The following MARCHF5 variants were observed in gnomAD, a reference collection of about 807,000 sequenced individuals.
MARCHF5 encodes the protein E3 ubiquitin-protein ligase MARCHF5.
Under a neutral mutation model 36.5 loss-of-function variants are expected in MARCHF5, and 5 were observed. The observed-to-expected ratio is 0.14, with a 90% confidence interval of 0.07 to 0.29. The LOEUF (loss-of-function observed/expected upper bound fraction) is 0.29. MARCHF5 is among the 10% of genes least tolerant of loss of function. The probability of loss-of-function intolerance (pLI) is 1.00; values close to 1 mark genes in which losing one functional copy is unlikely to be tolerated. For synonymous variants in MARCHF5, 103 were observed against 109.9 expected (o/e 0.94, Z 0.39); for missense variants, 179 against 336.3 (o/e 0.53, Z 3.66).
intron 1 of MARCHF5, among the ~76,000 whole-genome samples, chr10:92,306,625 G>A (rs889260277): frequency 2.6e-5 from 4 of 152,128 alleles, no homozygotes; most frequent in African/African-American, 7.2e-5. Flanking sequence ...GGAATAAATC[G>A]TTGAAGTAGA....
chr10:92,311,270 A>C lies in MARCHF5; in HGVS notation c.171A>C (p.Gly57=), dbSNP rs759777509. 15 of 1,613,224 alleles carry C rather than the reference A, an allele frequency of 9.3e-6. No homozygotes were observed. The highest frequency in any genetic ancestry group is 1.3e-5 in the Non-Finnish European group (15 of 1,179,552). Residue 57 remains glycine (G), a synonymous_variant, in exon 2 of 6, where the codon GGA becomes GGC. Coordinates refer to ENST00000358935, the MANE Select transcript of MARCHF5 (RefSeq NM_017824.5). ...LQRWVDEKQR[G]NSTARVACPQ... is the part of the protein sequence containing the mutation. ...GCTGGGTGGATGAAAAGCAAAGAGG[A>C]AACAGTACAGCCAGAGTGGCATGTC...
In MARCHF5 at chr10:92,294,093, A is replaced by G. The variant is rs1015645357; in HGVS notation, c.35+2564A>G. On this transcript the variant is annotated intron_variant, in intron 1 of 5. Transcript: ENST00000358935. The stretch of plus-strand genomic sequence containing the variant: ...TCTGTAGGGTAGAGCCTGGGCATCT[A>G]TATTTTAAAGCTTTTTAAATGTTTT... 7.2e-5 allele frequency among the ~76,000 whole-genome samples: 11 copies of G among 152,178 alleles called. No individual in the cohort carries two copies. The East Asian group carries it at 1.5e-3, about 21-fold the overall frequency.
chr10:92,349,804 T>C lies in MARCHF5; in HGVS notation c.687T>C (p.Ser229=), dbSNP rs752398679. The C allele has an allele frequency of 8.1e-6, 13 of 1,613,692 alleles. No homozygotes were observed. The highest frequency in any genetic ancestry group is 1.3e-5 in the African/African-American group (1 of 75,050). ...CAATAGTTGGTAAATTGATGTTCAG[T>C]AGTGTTAACTCTAATTTACAAAGGA... is the stretch of plus-strand genomic sequence containing the variant. ...IATIVGKLMF[S]SVNSNLQRTI... is the part of the protein sequence containing the mutation. Residue 229 remains serine (S), a synonymous_variant, in exon 5 of 6, where the codon AGT becomes AGC. Transcript: ENST00000358935.
chr10:92,308,919 A>G (rs1240441159), intron 1 of MARCHF5, among the ~76,000 whole-genome samples: 3 of 152,128 alleles, frequency 2.0e-5, no homozygotes, highest in East Asian at 1.9e-4. Context: ...GTTAGCCAGG[A>G]TGGTCTCAAT....
chr10:92,331,876 TAATCATATATATGTATATATA>T (rs1195047659), intron 2 of MARCHF5, among the ~76,000 whole-genome samples: 24 of 37,674 alleles, frequency 6.4e-4, no homozygotes, highest in Non-Finnish European at 1.6e-3. Context: ...TTTTTATATA[TAATCATATATATGTATATATA>T]ATCATATATA....
chr10:92,318,710 T>C (rs1375866156), intron 2 of MARCHF5, among the ~76,000 whole-genome samples: 1 of 152,078 alleles, frequency 6.6e-6, no homozygotes, highest in Non-Finnish European at 1.5e-5. Context: ...CTTTTCTTTT[T>C]TTTCTAAGAT....
chr10:92,309,239 G>A (rs559276003), intron 1 of MARCHF5, among the ~76,000 whole-genome samples: 41 of 152,248 alleles, frequency 2.7e-4, no homozygotes, highest in African/African-American at 9.6e-4. Context: ...ATAATAAAAT[G>A]TTTGGGAAAA....
rs1843709886 is a variant in MARCHF5 at position 92,351,138 on chromosome 10, C to T, written c.768C>T (p.Phe256=). 1 of 1,613,408 alleles carries T rather than the reference C, an allele frequency of 6.2e-7. No homozygotes were observed. Among genetic ancestry groups the T allele is most frequent in the Admixed American group, 1.7e-5 (1 of 59,930 alleles). The change falls in exon 6 of 6, where the codon TTC becomes TTT. Residue 256 remains phenylalanine (F), a synonymous_variant. Transcript: ENST00000358935. ...TAAAAGGAGCATTTAAAGTTTACTT[C>T]AAACAGCAGCAATATTTACGACAGG... The part of the protein sequence containing the change: ...VAIKGAFKVY[F]KQQQYLRQAH...
chr10:92,293,253 T>C (rs1270498250), intron 1 of MARCHF5, among the ~76,000 whole-genome samples: 1 of 151,876 alleles, frequency 6.6e-6, no homozygotes, highest in African/African-American at 2.4e-5. Context: ...CCACAACACA[T>C]ACCACCATGC....
Position 92,340,744 on chromosome 10 carries a change from A to G in MARCHF5, c.310A>G (p.Ile104Val), listed in dbSNP as rs943832285. ...AGCCTGTCCATTTGCTGCAGCAGGA[A>G]TAATGGTCGGCTCTATCTATTGGAC... ...SKACPFAAAG[I>V]MVGSIYWTAV... The change falls in exon 3 of 6, where the codon ATA becomes GTA. Residue 104 changes from isoleucine (I) to valine (V), a missense_variant. Ile to Val is a conservative substitution (Grantham distance 29). This residue lies in a region of MARCHF5 where 66 missense variants were observed against 180.5 expected (regional missense o/e 0.37). Transcript: ENST00000358935. The G allele has an allele frequency of 1.2e-6, 2 of 1,613,860 alleles. No individual in the cohort carries two copies. Among genetic ancestry groups the G allele is most frequent in the Non-Finnish European group, 1.7e-6 (2 of 1,179,902 alleles).
intron 1 of MARCHF5, among the ~76,000 whole-genome samples, chr10:92,303,879 T>TA (rs1207757561): frequency 6.6e-6 from 1 of 152,200 alleles, no homozygotes; most frequent in Non-Finnish European, 1.5e-5. Flanking sequence ...GTTGTCTTCA[T>TA]ATAATGACAG....
At chr10:92,320,300 T>G (rs1843275505) in intron 2 of MARCHF5, among the ~76,000 whole-genome samples, 3 of 151,718 alleles carry the variant, frequency 2.0e-5, no homozygotes, top group South Asian at 4.2e-4. Context: ...ACAGGGGCCT[T>G]CCTTCCTTGG....
At chr10:92,339,799 C>T (rs756783208) in intron 2 of MARCHF5, among the ~76,000 whole-genome samples, 31 of 152,158 alleles carry the variant, frequency 2.0e-4, no homozygotes, top group Admixed American at 5.2e-4. Flanking sequence ...TAGTGGCAGT[C>T]AGAATACCTC....
Position 92,340,674 on chromosome 10 carries a change from T to A in MARCHF5, c.240T>A (p.Gly80=). 3 of 1,608,114 alleles carry A rather than the reference T, an allele frequency of 1.9e-6. No individual in the cohort carries two copies. Among genetic ancestry groups the A allele is most frequent in the Non-Finnish European group, 2.5e-6 (3 of 1,178,114 alleles). Residue 80 remains glycine, a splice_region_variant and synonymous_variant, in exon 3 of 6, where the codon GGT becomes GGA. Transcript: ENST00000358935. The part of the protein sequence containing the change: ...AEYLIVFPKL[G]PVVYVLDLAD... ...TTACTTCTTTTCTGTGTGTTATAGG[T>A]CCAGTGGTTTACGTCTTGGATCTTG... is the stretch of plus-strand genomic sequence containing the variant.
intron 2 of MARCHF5, among the ~76,000 whole-genome samples, chr10:92,336,677 A>G (rs1179958993): frequency 6.6e-6 from 1 of 152,168 alleles, no homozygotes; most frequent in Non-Finnish European, 1.5e-5. Flanking sequence ...ACACACCTGT[A>G]GTCTCAGCTA....
intron 3 of MARCHF5, among the ~76,000 whole-genome samples, chr10:92,341,933 G>T (rs1472746337): frequency 6.6e-6 from 1 of 151,728 alleles, no homozygotes; most frequent in Non-Finnish European, 1.5e-5. Flanking sequence ...GGAACTATGG[G>T]TGTGTGCCTC....
rs372532174 is a variant in MARCHF5, at chr10:92,349,336, A to G, written c.370-13A>G. On this transcript the variant is annotated splice_polypyrimidine_tract_variant and intron_variant, in intron 3 of 5. Transcript: ENST00000358935. The stretch of plus-strand genomic sequence containing the variant: ...AAAAGAAGTAATTCTAATATATGCT[A>G]TCTGTTTCACAGGTTGTAGGTCATA... 9 of 1,578,236 alleles carry G rather than the reference A, an allele frequency of 5.7e-6. No individual in the cohort carries two copies. Among genetic ancestry groups the G allele is most frequent in the African/African-American group, 1.4e-5 (1 of 73,502 alleles).
chr10:92,348,849 A>G (rs1021649014), intron 3 of MARCHF5, among the ~76,000 whole-genome samples: 1 of 152,154 alleles, frequency 6.6e-6, no homozygotes, highest in Non-Finnish European at 1.5e-5. Flanking sequence ...ATCACACCCT[A>G]TCTTACACAC....
chr10:92,291,486 C>G lies in MARCHF5; in HGVS notation c.-9C>G. 1.3e-6 allele frequency: 2 copies of G among 1,548,276 alleles called. No individual in the cohort carries two copies. Among genetic ancestry groups the G allele is most frequent in the South Asian group, 1.2e-5 (1 of 84,018 alleles). On this transcript the variant is annotated 5_prime_UTR_variant, in exon 1 of 6. Coordinates refer to ENST00000358935, the MANE Select transcript of MARCHF5 (RefSeq NM_017824.5). The stretch of plus-strand genomic sequence containing the variant: ...CTGGGGAAGGCCGTGTGCGCCGGCT[C>G]CGCGGAAGATGCCGGACCAAGCCCT...
Sources: gnomAD v4.1 joint callset for allele counts (sites outside exome capture counted in the v4.1 genomes callset) on GRCh38, gnomAD v4.1.1 for gene constraint, gnomAD v4.1.1 regional missense constraint, MANE v1.5 for transcripts, NCBI Gene and HGNC (gene_info 2026-07-23, HGNC 2026-07-21) for gene names.